The following KIF6 variants were observed in gnomAD, a reference collection of about 807,000 sequenced individuals.
The protein encoded by KIF6 is kinesin-like protein KIF6.
In KIF6, 106 loss-of-function variants were observed where a neutral mutation model predicts 112.7. That is an observed-to-expected ratio of 0.94 (90% confidence interval 0.80 to 1.11). KIF6 has a LOEUF of 1.11. Among genes scored for constraint, KIF6 ranks in the 50% least tolerant of loss-of-function variants. KIF6 has a pLI of 0.00. For synonymous variants in KIF6, 339 were observed against 339.9 expected (o/e 1.00, Z 0.03); for missense variants, 929 against 964.0 (o/e 0.96, Z 0.48).
chr6:39,693,586 G>C (rs1788350798), intron 3 of KIF6, among the ~76,000 whole-genome samples: 1 of 151,784 alleles, frequency 6.6e-6, no homozygotes, highest in Non-Finnish European at 1.5e-5. Context: ...ATAAATCCTA[G>C]AAACACACAA....
chr6:39,673,738 T>C (rs1278915862), intron 3 of KIF6, among the ~76,000 whole-genome samples: 1 of 152,208 alleles, frequency 6.6e-6, no homozygotes, highest in Non-Finnish European at 1.5e-5. Flanking sequence ...AGAGGAAATA[T>C]TGACAGATTT....
intron 3 of KIF6, among the ~76,000 whole-genome samples, chr6:39,643,211 G>A (rs551975241): frequency 8.7e-4 from 132 of 152,166 alleles, no homozygotes; most frequent in African/African-American, 3.1e-3. Context: ...AGGATTGTAG[G>A]GTACAAGTCT....
Position 39,332,170 on chromosome 6 carries a change from C to T in KIF6, c.*4362G>A, listed in dbSNP as rs1476854153. On this transcript the variant is annotated 3_prime_UTR_variant, in exon 23 of 23. Transcript: ENST00000287152. ...CCATGTTGAACAGGCTGTTCTTGAACTCCTGACCTCAGGTGATCCTCCTGC... is the reference window on the plus strand; with the variant it reads ...CCATGTTGAACAGGCTGTTCTTGAATTCCTGACCTCAGGTGATCCTCCTGC... 1 of 152,160 alleles carries T rather than the reference C, an allele frequency of 6.6e-6. No homozygotes were observed. Among genetic ancestry groups the T allele is most frequent in the East Asian group, 1.9e-4 (1 of 5,180 alleles). 9.4% of individuals were successfully genotyped at this position (152,160 alleles called of 1,614,324 possible).
intron 14 of KIF6, among the ~76,000 whole-genome samples, chr6:39,423,245 C>A (rs945607429): frequency 6.6e-6 from 1 of 152,110 alleles, no homozygotes; most frequent in South Asian, 2.1e-4. Context: ...CCTGGCTTCC[C>A]GTAACACCCA....
chr6:39,626,736 C>A (rs904359567), intron 5 of KIF6, among the ~76,000 whole-genome samples: 1 of 152,082 alleles, frequency 6.6e-6, no homozygotes, highest in Non-Finnish European at 1.5e-5. Flanking sequence ...GGGATTCAGG[C>A]AAACCTCCGG....
intron 13 of KIF6, among the ~76,000 whole-genome samples, chr6:39,504,878 T>G (rs1776344147): frequency 6.6e-6 from 1 of 152,216 alleles, no homozygotes; most frequent in South Asian, 2.1e-4. Flanking sequence ...AAACATTCCA[T>G]GCTCACAGAT....
At chr6:39,406,455 T>C (rs1330552418) in intron 15 of KIF6, among the ~76,000 whole-genome samples, 1 of 152,238 alleles carries the variant, frequency 6.6e-6, no homozygotes, top group Non-Finnish European at 1.5e-5. Flanking sequence ...TCTTTTGTAT[T>C]TTATTGAGTT....
At chr6:39,715,979 G>A (rs1789826715) in intron 2 of KIF6, among the ~76,000 whole-genome samples, 2 of 152,026 alleles carry the variant, frequency 1.3e-5, no homozygotes, top group Admixed American at 1.3e-4. Flanking sequence ...CATATTCTCA[G>A]CTTTTGAGGA....
At chr6:39,582,613 C>A (rs1161301868) in intron 9 of KIF6, among the ~76,000 whole-genome samples, 1 of 152,040 alleles carries the variant, frequency 6.6e-6, no homozygotes, top group African/African-American at 2.4e-5. Flanking sequence ...TGGGGTTTCT[C>A]CATGTTGATC....
intron 15 of KIF6, among the ~76,000 whole-genome samples, chr6:39,396,156 G>A (rs1380652007): frequency 2.6e-5 from 4 of 152,220 alleles, no homozygotes; most frequent in African/African-American, 9.7e-5. Context: ...TGAAGAGACT[G>A]GAGATTAGGA....
At chr6:39,423,042 A>G (rs1581820109) in intron 14 of KIF6, among the ~76,000 whole-genome samples, 2 of 152,248 alleles carry the variant, frequency 1.3e-5, no homozygotes, top group South Asian at 2.1e-4. Flanking sequence ...GTTTCTTTCT[A>G]TTGGTGCCAA....
chr6:39,676,044 T>A (rs1787118829), intron 3 of KIF6, among the ~76,000 whole-genome samples: 2 of 129,376 alleles, frequency 1.5e-5, no homozygotes, highest in Non-Finnish European at 1.6e-5. Context: ...CTACAGAGAA[T>A]GGAGGAAAGG....
At chr6:39,499,607 A>AACCTCTTCAAAAC (rs1406019001) in intron 13 of KIF6, among the ~76,000 whole-genome samples, 1 of 152,208 alleles carries the variant, frequency 6.6e-6, no homozygotes, top group East Asian at 1.9e-4. Context: ...CTCTTCAAAA[A>AACCTCTTCAAAAC]TCCCAGCTGA....
chr6:39,646,310 A>T (rs1785170056), intron 3 of KIF6, among the ~76,000 whole-genome samples: 2 of 152,054 alleles, frequency 1.3e-5, no homozygotes, highest in Admixed American at 1.3e-4. Flanking sequence ...GAGACAGCAT[A>T]GTTGAAAAAA....
intron 6 of KIF6, among the ~76,000 whole-genome samples, chr6:39,610,617 A>G (rs1783165324): frequency 6.6e-6 from 1 of 152,242 alleles, no homozygotes; most frequent in South Asian, 2.1e-4. Flanking sequence ...ACTGTGAATA[A>G]TAAGGAATTT....
At chr6:39,507,908 C>G (rs1303716180) in intron 13 of KIF6, among the ~76,000 whole-genome samples, 3 of 146,884 alleles carry the variant, frequency 2.0e-5, no homozygotes, top group Non-Finnish European at 4.5e-5. Context: ...TCTCCTCCTT[C>G]CTTCCTTTCC....
chr6:39,567,762 C>A (rs534760683), intron 10 of KIF6, among the ~76,000 whole-genome samples: 50 of 152,130 alleles, frequency 3.3e-4, no homozygotes, highest in Non-Finnish European at 6.3e-4. Flanking sequence ...CACCCACCAC[C>A]GCGCCTGGCT....
At chr6:39,415,895 C>T (rs150803712) in intron 15 of KIF6, among the ~76,000 whole-genome samples, 1 of 152,276 alleles carries the variant, frequency 6.6e-6, no homozygotes, top group East Asian at 1.9e-4. Flanking sequence ...AAAAAACTTC[C>T]AGAATATTTT....
chr6:39,447,585 G>C (rs1202849144), intron 13 of KIF6, among the ~76,000 whole-genome samples: 2 of 152,152 alleles, frequency 1.3e-5, no homozygotes, highest in Non-Finnish European at 2.9e-5. Context: ...GAGGAGAAAA[G>C]ATAATCTATT....
Sources: allele counts gnomAD v4.1 joint callset (sites outside exome capture counted in the v4.1 genomes callset), GRCh38; gene constraint gnomAD v4.1.1; transcripts MANE v1.5; gene names NCBI Gene and HGNC (gene_info 2026-07-23, HGNC 2026-07-21).